The following FER variants were observed in gnomAD, a reference collection of about 807,000 sequenced individuals.
FER encodes the protein tyrosine-protein kinase Fer.
A neutral mutation model predicts 111.0 loss-of-function variants in FER; 63 were observed. The ratio of observed to expected loss-of-function variants is 0.57; its 90% CI spans 0.46 to 0.70. FER has a LOEUF of 0.70. FER is among the 30% of genes least tolerant of loss of function. The pLI, the probability that FER is intolerant of heterozygous loss-of-function variation, is 0.00. For missense variants in FER, 914 were observed against 954.0 expected (o/e 0.96, Z 0.55); for synonymous variants, 327 against 313.9 (o/e 1.04, Z -0.44).
chr5:108,863,852 T>C (rs1203420018), intron 5 of FER, among the ~76,000 whole-genome samples: 1 of 152,214 alleles, frequency 6.6e-6, no homozygotes, highest in Non-Finnish European at 1.5e-5. Context: ...AAATATATTA[T>C]CTTGTGGGTG....
At chr5:108,814,566 A>G (rs771584809) in intron 3 of FER, among the ~76,000 whole-genome samples, 3 of 152,200 alleles carry the variant, frequency 2.0e-5, no homozygotes, top group African/African-American at 7.2e-5. Flanking sequence ...AATTGATGTT[A>G]TTATCTTTAA....
chr5:109,109,391 C>G (rs1028296302), intron 17 of FER, among the ~76,000 whole-genome samples: 2 of 152,198 alleles, frequency 1.3e-5, no homozygotes, highest in Non-Finnish European at 2.9e-5. Context: ...GCTTATCTCC[C>G]CCAACTCCCC....
At chr5:108,879,702 A>AATATG (rs1765480742) in intron 8 of FER, among the ~76,000 whole-genome samples, 1 of 91,036 alleles carries the variant, frequency 1.1e-5, no homozygotes, top group Non-Finnish European at 2.0e-5. Context: ...TTAAAAAAAA[A>AATATG]TATATATATA....
intron 17 of FER, among the ~76,000 whole-genome samples, chr5:109,119,973 G>C (rs1750762676): frequency 6.6e-6 from 1 of 151,964 alleles, no homozygotes; most frequent in Non-Finnish European, 1.5e-5. Flanking sequence ...TGGATCATTA[G>C]ATTTTTCTTT....
chr5:109,017,937 A>G (rs1373918328), intron 13 of FER, among the ~76,000 whole-genome samples: 7 of 152,036 alleles, frequency 4.6e-5, no homozygotes, highest in Admixed American at 6.6e-5. Context: ...GGACTTCTAT[A>G]GTAACAAACC....
chr5:108,978,096 T>A lies in FER; in HGVS notation c.1656+18749T>A, dbSNP rs113214191. Among the ~76,000 whole-genome samples the A allele has an allele frequency of 8.3e-3, 1,271 of 152,328 alleles. 18 individuals carry two copies. Among genetic ancestry groups the A allele is most frequent in the African/African-American group, 0.029 (1,205 of 41,578 alleles). ...TCCTGAGCTCAAGCGTCTGCCCGCC[T>A]TGGTCTCCTAAAGTGCTGGTATTAC... On this transcript the variant is annotated intron_variant, in intron 13 of 19. Coordinates refer to ENST00000281092, the MANE Select transcript of FER (RefSeq NM_005246.4).
intron 11 of FER, among the ~76,000 whole-genome samples, chr5:108,951,288 T>C (rs1237322935): frequency 6.6e-6 from 1 of 151,830 alleles, no homozygotes; most frequent in African/African-American, 2.4e-5. Flanking sequence ...AAAAATAAAT[T>C]TCTAGAGATA....
rs533454234 is a variant in FER, at chr5:108,834,587, A to G, written c.382-1121A>G. On this transcript the variant is annotated intron_variant, in intron 4 of 19. Transcript: ENST00000281092. Reference sequence around the variant, plus strand: ...GTGGTGCACGTCTGTAACCCCAGCCACTTGGGAGGCTGAGGCATGAGAATT... The same window carrying G: ...GTGGTGCACGTCTGTAACCCCAGCCGCTTGGGAGGCTGAGGCATGAGAATT... Among the ~76,000 whole-genome samples the G allele has an allele frequency of 4.7e-4, 72 of 151,964 alleles. 1 individual carries two copies. Among genetic ancestry groups the G allele is most frequent in the East Asian group, 3.9e-4 (2 of 5,160 alleles).
At position 109,110,321 on chromosome 5, in the gene FER, G is replaced by A. The variant is rs146968515; in HGVS notation, c.2048+9802G>A. Among the ~76,000 whole-genome samples, 95 of 152,268 alleles carry A rather than the reference G, an allele frequency of 6.2e-4. 2 individuals carry two copies. The highest frequency in any genetic ancestry group is 2.0e-3 in the African/African-American group (85 of 41,566). ...ATAGGACAAAAGAGAAAGGGATGGT[G>A]GAGATGGGCACCATTTTATATAGGG... On this transcript the variant is annotated intron_variant, in intron 17 of 19. Transcript: ENST00000281092.
At position 108,867,788 on chromosome 5, in the gene FER, A is replaced by G. The variant is rs1342931083; in HGVS notation, c.503A>G (p.Lys168Arg). 3 of 1,611,780 alleles carry G rather than the reference A, an allele frequency of 1.9e-6. No homozygotes were observed. The highest frequency in any genetic ancestry group is 1.3e-5 in the African/African-American group (1 of 74,710). ...LAKGKETEKA[K>R]ERYDKATMKL... The stretch of plus-strand genomic sequence containing the variant: ...TCAGGGAAGGAAACTGAAAAGGCCA[A>G]GGAACGATACGACAAAGCCACAATG... Residue 168 changes from lysine (K) to arginine (R), a missense_variant, in exon 6 of 20, where the codon AAG becomes AGG. This residue lies in a region of FER where 774 missense variants were observed against 782.6 expected (regional missense o/e 0.99). Transcript: ENST00000281092.
chr5:109,075,951 A>G (rs912509102), intron 16 of FER, among the ~76,000 whole-genome samples: 7 of 152,124 alleles, frequency 4.6e-5, no homozygotes, highest in Non-Finnish European at 1.0e-4. Context: ...ATAAACACTA[A>G]TTATTTTTAT....
intron 17 of FER, among the ~76,000 whole-genome samples, chr5:109,129,480 T>A (rs1752117696): frequency 6.6e-6 from 1 of 152,014 alleles, no homozygotes; most frequent in African/African-American, 2.4e-5. Context: ...CAAGACTCTT[T>A]GTACTTTTAT....
intron 13 of FER, among the ~76,000 whole-genome samples, chr5:108,993,593 G>GAGGGCA (rs1286978406): frequency 8.8e-6 from 1 of 113,334 alleles, no homozygotes; most frequent in Non-Finnish European, 2.0e-5. Context: ...GGGAGAGGGA[G>GAGGGCA]AGGGCGAGGG....
chr5:109,001,642 T>G (rs188888053), intron 13 of FER, among the ~76,000 whole-genome samples: 17,466 of 151,974 alleles, frequency 0.11, 1,072 homozygotes, highest in Middle Eastern at 0.16. Context: ...AGGGCAATTA[T>G]GCAGGAGAAG....
chr5:109,007,889 TC>T, intron 13 of FER, among the ~76,000 whole-genome samples: 1 of 152,312 alleles, frequency 6.6e-6, no homozygotes, highest in Middle Eastern at 3.4e-3. Flanking sequence ...GCGTGAGAAT[TC>T]CAGTGACTCC....
At chr5:109,051,484 G>C (rs1302357511) in intron 16 of FER, 3 of 1,612,660 alleles carry the variant, frequency 1.9e-6, no homozygotes, top group Non-Finnish European at 2.5e-6. Context: ...GTTAGAGATG[G>C]TGCTTCCCGC....
chr5:109,117,818 T>C (rs974163278), intron 17 of FER, among the ~76,000 whole-genome samples: 10 of 151,720 alleles, frequency 6.6e-5, no homozygotes, highest in African/African-American at 1.9e-4. Flanking sequence ...TTGTCTGTTA[T>C]TGGTGTATAA....
chr5:108,957,516 A>T (rs1404197222), intron 12 of FER, among the ~76,000 whole-genome samples: 1 of 151,702 alleles, frequency 6.6e-6, no homozygotes, highest in African/African-American at 2.4e-5. Flanking sequence ...AATGTAAATT[A>T]GTAAATTCAT....
At chr5:108,802,893 T>C (rs1312376586) in intron 3 of FER, among the ~76,000 whole-genome samples, 1 of 152,186 alleles carries the variant, frequency 6.6e-6, no homozygotes, top group Admixed American at 6.5e-5. Flanking sequence ...GTAGTTCTGT[T>C]TTAATTTCTT....
Sources: gnomAD v4.1 joint callset for allele counts (sites outside exome capture counted in the v4.1 genomes callset) on GRCh38, gnomAD v4.1.1 for gene constraint, gnomAD v4.1.1 regional missense constraint, MANE v1.5 for transcripts, NCBI Gene and HGNC (gene_info 2026-07-23, HGNC 2026-07-21) for gene names.